Variants in RBFOX1 observed in about 807,000 individuals in gnomAD.
RBFOX1 encodes the protein RNA binding fox-1 homolog 1.
RBFOX1 carries 8 observed loss-of-function variants against 57.7 expected under a neutral mutation model. That is an observed-to-expected ratio of 0.14 (90% CI 0.08 to 0.25). RBFOX1 has a LOEUF of 0.25. Ranked by LOEUF, RBFOX1 falls within the 10% of genes least tolerant of loss-of-function variation. The pLI is 1.00. For synonymous variants in RBFOX1, 326 were observed against 222.4 expected, an observed-to-expected ratio of 1.47 and a Z score of -4.15; for missense variants, 611 against 548.5, an observed-to-expected ratio of 1.11 and a Z score of -1.14.
chr16:6,815,393 T>C (rs1414940819), intron 3 of RBFOX1, among the ~76,000 whole-genome samples: 2 of 152,172 alleles, frequency 1.3e-5, no homozygotes, highest in Admixed American at 6.5e-5. Context: ...GCCCAGTAGA[T>C]CTCAGCCTTA....
chr16:5,515,226 C>T (rs1381055527), intron 2 of RBFOX1, among the ~76,000 whole-genome samples: 1 of 152,244 alleles, frequency 6.6e-6, no homozygotes, highest in Non-Finnish European at 1.5e-5. Flanking sequence ...TATCAGGTGG[C>T]CTGTGCCTAC....
At chr16:7,522,383 A>T (rs1264551372) in intron 5 of RBFOX1, among the ~76,000 whole-genome samples, 1 of 152,170 alleles carries the variant, frequency 6.6e-6, no homozygotes, top group African/African-American at 2.4e-5. Flanking sequence ...GCATTCAACC[A>T]GTTGAATGTT....
At chr16:5,269,434 C>G (rs934359409) in intron 1 of RBFOX1, among the ~76,000 whole-genome samples, 1 of 152,262 alleles carries the variant, frequency 6.6e-6, no homozygotes, top group Non-Finnish European at 1.5e-5. Context: ...ATTACATTAG[C>G]ATCACTCCTA....
At chr16:6,854,364 A>G (rs2057403695) in intron 3 of RBFOX1, among the ~76,000 whole-genome samples, 1 of 152,098 alleles carries the variant, frequency 6.6e-6, no homozygotes, top group Non-Finnish European at 1.5e-5. Flanking sequence ...AAAGGGCTTA[A>G]GGGGTTAATT....
chr16:7,324,277 T>G (rs898859716), intron 4 of RBFOX1, among the ~76,000 whole-genome samples: 5 of 152,142 alleles, frequency 3.3e-5, no homozygotes, highest in African/African-American at 1.2e-4. Context: ...GTTCAGCCAG[T>G]TCAGCAACTG....
chr16:6,704,718 C>T (rs2062428975), intron 3 of RBFOX1: 1 of 152,142 alleles, frequency 6.6e-6, no homozygotes, highest in African/African-American at 2.4e-5. Flanking sequence ...TTCAGTATTG[C>T]AGAAATACAT....
intron 2 of RBFOX1, among the ~76,000 whole-genome samples, chr16:6,586,180 T>C (rs2097612840): frequency 6.6e-6 from 1 of 152,186 alleles, no homozygotes; most frequent in East Asian, 1.9e-4. Context: ...CCGTAGGCAG[T>C]TGTTTGTGCA....
At chr16:7,351,346 G>C (rs562968917) in intron 4 of RBFOX1, among the ~76,000 whole-genome samples, 1 of 152,386 alleles carries the variant, frequency 6.6e-6, no homozygotes, top group Non-Finnish European at 1.5e-5. Context: ...TCATTCCTTT[G>C]ATAATTCTTT....
chr16:7,085,866 G>A (rs2059911481), intron 4 of RBFOX1, among the ~76,000 whole-genome samples: 1 of 152,184 alleles, frequency 6.6e-6, no homozygotes, highest in Admixed American at 6.5e-5. Flanking sequence ...TGCATCCCAG[G>A]AAACCGTTCT....
At chr16:5,870,755 T>A (rs2057450472) in intron 4 of RBFOX1, among the ~76,000 whole-genome samples, 1 of 152,092 alleles carries the variant, frequency 6.6e-6, no homozygotes, top group Non-Finnish European at 1.5e-5. Flanking sequence ...AAACAAGCGA[T>A]CACCGTTATT....
At chr16:5,907,884 A>G (rs1345171609) in intron 4 of RBFOX1, among the ~76,000 whole-genome samples, 1 of 151,536 alleles carries the variant, frequency 6.6e-6, no homozygotes, top group African/African-American at 2.4e-5. Flanking sequence ...CCAGCTAGCT[A>G]GGATTACAGG....
At chr16:5,782,694 A>T (rs543870134) in intron 3 of RBFOX1, among the ~76,000 whole-genome samples, 1 of 152,326 alleles carries the variant, frequency 6.6e-6, no homozygotes, top group Admixed American at 6.5e-5. Context: ...TCCTGTTATG[A>T]AGAATTGGCT....
At chr16:7,053,323 C>T (rs931915357) in intron 4 of RBFOX1, among the ~76,000 whole-genome samples, 4 of 152,160 alleles carry the variant, frequency 2.6e-5, no homozygotes, top group African/African-American at 9.7e-5. Context: ...CCTGTGCCGA[C>T]ATTCGTTGTG....
At chr16:5,953,147 C>A (rs1310674206) in intron 4 of RBFOX1, among the ~76,000 whole-genome samples, 1 of 152,110 alleles carries the variant, frequency 6.6e-6, no homozygotes, top group African/African-American at 2.4e-5. Flanking sequence ...TATTTTAAAA[C>A]CTTGCTGGGT....
intron 3 of RBFOX1, among the ~76,000 whole-genome samples, chr16:7,004,993 A>T (rs567103339): frequency 6.6e-6 from 1 of 152,262 alleles, no homozygotes; most frequent in South Asian, 2.1e-4. Context: ...AAAATACAAA[A>T]ATTAGCAGAG....
At chr16:7,318,868 C>T (rs2096492575) in intron 4 of RBFOX1, among the ~76,000 whole-genome samples, 3 of 152,128 alleles carry the variant, frequency 2.0e-5, no homozygotes, top group Non-Finnish European at 4.4e-5. Context: ...AAAAGACTCC[C>T]AGTAATTATA....
chr16:7,156,035 A>G (rs2077047143), intron 4 of RBFOX1, among the ~76,000 whole-genome samples: 1 of 151,922 alleles, frequency 6.6e-6, no homozygotes, highest in Non-Finnish European at 1.5e-5. Flanking sequence ...ACACACGCAC[A>G]CAGGTATATA....
intron 14 of RBFOX1, among the ~76,000 whole-genome samples, chr16:7,695,587 G>C (rs1316376717): frequency 6.7e-6 from 1 of 148,474 alleles, no homozygotes; most frequent in African/African-American, 2.5e-5. Flanking sequence ...GGGAGGCGGA[G>C]GTTGCAGTGA....
intron 2 of RBFOX1, among the ~76,000 whole-genome samples, chr16:5,506,309 CAG>C (rs1308940648): frequency 2.0e-5 from 3 of 152,204 alleles, no homozygotes; most frequent in African/African-American, 7.2e-5. Flanking sequence ...CCTGCAGGCA[CAG>C]AGACGTAAGT....
Sources: gnomAD v4.1 joint callset for allele counts (sites outside exome capture counted in the v4.1 genomes callset) on GRCh38, gnomAD v4.1.1 for gene constraint, MANE v1.5 for transcripts, NCBI Gene and HGNC (gene_info 2026-07-23, HGNC 2026-07-21) for gene names.